Variants in CEP85L observed in about 807,000 individuals in gnomAD.
CEP85L encodes centrosomal protein 85L, also known as centrosomal protein of 85 kDa-like.
A neutral mutation model predicts 100.3 loss-of-function variants in CEP85L; 60 were observed. The ratio of observed to expected loss-of-function variants is 0.60; its 90% CI spans 0.49 to 0.74. The LOEUF (loss-of-function observed/expected upper bound fraction) is 0.74, where lower values mean the gene tolerates loss of function less well. CEP85L is among the 30% of genes least tolerant of loss of function. CEP85L has a pLI of 0.00. For missense variants in CEP85L, 973 were observed against 936.2 expected, an observed-to-expected ratio of 1.04 and a Z score of -0.51; for synonymous variants, 319 against 322.7, an observed-to-expected ratio of 0.99 and a Z score of 0.12.
intron 2 of CEP85L, among the ~76,000 whole-genome samples, chr6:118,582,153 C>T (rs753827467): frequency 3.9e-5 from 6 of 152,150 alleles, no homozygotes; most frequent in Non-Finnish European, 5.9e-5. Context: ...CTATCAGCTC[C>T]TCCAGCTCCA....
At chr6:118,705,190 G>T (rs916536633) in intron 1 of CEP85L, among the ~76,000 whole-genome samples, 1 of 152,098 alleles carries the variant, frequency 6.6e-6, no homozygotes, top group Admixed American at 6.6e-5. Context: ...AACTCATGGG[G>T]CCGAACAGTC....
At chr6:118,632,921 C>T (rs184147374) in intron 1 of CEP85L, among the ~76,000 whole-genome samples, 1 of 152,284 alleles carries the variant, frequency 6.6e-6, no homozygotes, top group East Asian at 1.9e-4. Flanking sequence ...AATGTCAGTA[C>T]TCTGCTCTAG....
chr6:118,588,585 A>T (rs1407004208), intron 2 of CEP85L, among the ~76,000 whole-genome samples: 1 of 152,170 alleles, frequency 6.6e-6, no homozygotes, highest in Non-Finnish European at 1.5e-5. Flanking sequence ...TGAAGGCTTC[A>T]GCCCCAGGTG....
Position 118,523,938 on chromosome 6 carries a change from C to A in CEP85L, c.1021-18G>T. The A allele has an allele frequency of 1.7e-6, 2 of 1,151,636 alleles. No homozygotes were observed. Among genetic ancestry groups the A allele is most frequent in the Non-Finnish European group, 2.6e-6 (2 of 774,264 alleles). 71.3% of individuals were successfully genotyped at this position (1,151,636 alleles called of 1,614,324 possible). A position where few individuals can be genotyped will look rare whatever the true frequency, so the allele number is the denominator to read the frequency against. On this transcript the variant is annotated intron_variant, in intron 3 of 12. Coordinates refer to ENST00000368491, the MANE Select transcript of CEP85L (RefSeq NM_001042475.3). ...GTCAAAACCTGCAGAAACATGTTTACACAATTAGTATACTAAAATATTTAA... is the reference window on the plus strand; with the variant it reads ...GTCAAAACCTGCAGAAACATGTTTAAACAATTAGTATACTAAAATATTTAA...
At chr6:118,567,140 A>AG (rs1186698600) in intron 2 of CEP85L, among the ~76,000 whole-genome samples, 2 of 151,304 alleles carry the variant, frequency 1.3e-5, no homozygotes, top group East Asian at 3.9e-4. Flanking sequence ...ATAGTCCCAA[A>AG]GGGTTCACTT....
At chr6:118,562,577 C>A (rs1485894389) in intron 3 of CEP85L, among the ~76,000 whole-genome samples, 1 of 152,012 alleles carries the variant, frequency 6.6e-6, no homozygotes, top group Non-Finnish European at 1.5e-5. Context: ...CCAGGCTGGT[C>A]CCAAACTCCT....
chr6:118,590,883 T>C (rs1005724996), intron 2 of CEP85L, among the ~76,000 whole-genome samples: 2 of 152,174 alleles, frequency 1.3e-5, no homozygotes, highest in African/African-American at 2.4e-5. Flanking sequence ...CATGTGTCCG[T>C]GTCGTTTTAT....
intron 1 of CEP85L, among the ~76,000 whole-genome samples, chr6:118,685,823 A>G (rs144969315): frequency 4.6e-5 from 7 of 152,322 alleles, no homozygotes; most frequent in East Asian, 1.9e-4. Flanking sequence ...AAAAAGGAGG[A>G]AAAAGGTAGT....
chr6:118,558,770 T>A (rs962843817), intron 3 of CEP85L: 1 of 679,804 alleles, frequency 1.5e-6, no homozygotes, highest in Non-Finnish European at 2.7e-6. Context: ...TATTTTTTGT[T>A]CTGAGGATAG....
chr6:118,595,481 G>A (rs1443807419), intron 2 of CEP85L, among the ~76,000 whole-genome samples: 2 of 152,166 alleles, frequency 1.3e-5, no homozygotes, highest in Non-Finnish European at 2.9e-5. Context: ...AGATTCTCAT[G>A]TAATCCTCTC....
intron 2 of CEP85L, among the ~76,000 whole-genome samples, chr6:118,629,192 A>G (rs1369280861): frequency 6.6e-6 from 1 of 152,228 alleles, no homozygotes; most frequent in African/African-American, 2.4e-5. Context: ...TTCTATATAA[A>G]GGACTTGAGC....
At chr6:118,651,162 C>G in intron 1 of CEP85L, 35 bp downstream of exon 1, 1 of 1,483,898 alleles carries the variant, frequency 6.7e-7, no homozygotes, top group South Asian at 1.3e-5. Flanking sequence ...CGGCCGTGAC[C>G]CCCACCCCAG....
At chr6:118,648,581 A>T (rs905336531) in intron 1 of CEP85L, among the ~76,000 whole-genome samples, 3 of 152,008 alleles carry the variant, frequency 2.0e-5, no homozygotes, top group African/African-American at 7.3e-5. Flanking sequence ...CTCTACTAAA[A>T]ATACAAAAAA....
In CEP85L at chr6:118,524,007, TA is replaced by T. The variant is rs3838966; in HGVS notation, c.1021-88del. On this transcript the variant is annotated intron_variant, in intron 3 of 12. Coordinates refer to ENST00000368491, the MANE Select transcript of CEP85L (RefSeq NM_001042475.3). ...ATCATATTTTCCCAAAGATTTATATTAAAAAAAAAGAACTCCCTCTTTGATT... is the reference window on the plus strand; with the variant it reads ...ATCATATTTTCCCAAAGATTTATATTAAAAAAAAGAACTCCCTCTTTGATT... The T allele has an allele frequency of 1.9e-3, 987 of 523,156 alleles. 6 individuals carry two copies. Among genetic ancestry groups the T allele is most frequent in the East Asian group, 0.011 (275 of 25,210 alleles). The allele number at this position is 523,156 out of a possible 1,614,324, so 32.4% of individuals were successfully genotyped here.
intron 3 of CEP85L, 45 bp downstream of exon 3, chr6:118,565,484 A>G: frequency 1.3e-6 from 2 of 1,569,346 alleles, no homozygotes; most frequent in South Asian, 2.3e-5. Context: ...TACTGTACTC[A>G]TAACATCCAC....
At chr6:118,542,900 CAAAAAAAAAAAA>C (rs71012391) in intron 3 of CEP85L, among the ~76,000 whole-genome samples, 2 of 67,136 alleles carry the variant, frequency 3.0e-5, no homozygotes, top group Non-Finnish European at 5.8e-5. Flanking sequence ...CAAGTTTTCC[CAAAAAAAAAAAA>C]AAAAAAAAAA....
chr6:118,490,328 G>A (rs946420233), intron 6 of CEP85L, among the ~76,000 whole-genome samples: 4 of 152,198 alleles, frequency 2.6e-5, no homozygotes, highest in African/African-American at 7.2e-5. Context: ...GGTACATCTT[G>A]TATTAAATGT....
chr6:118,677,284 C>T (rs780520245), intron 1 of CEP85L, among the ~76,000 whole-genome samples: 3 of 152,130 alleles, frequency 2.0e-5, no homozygotes, highest in Non-Finnish European at 2.9e-5. Flanking sequence ...AGCTAGACAG[C>T]AGAAGATAAT....
At chr6:118,683,267 A>G (rs1776726659) in intron 1 of CEP85L, among the ~76,000 whole-genome samples, 1 of 152,206 alleles carries the variant, frequency 6.6e-6, no homozygotes, top group Non-Finnish European at 1.5e-5. Flanking sequence ...ATTTCATCAG[A>G]CAGCTTTCTT....
Sources: gnomAD v4.1 joint callset for allele counts (sites outside exome capture counted in the v4.1 genomes callset) on GRCh38, gnomAD v4.1.1 for gene constraint, MANE v1.5 for transcripts, NCBI Gene and HGNC (gene_info 2026-07-23, HGNC 2026-07-21) for gene names.